PTPRD: variants seen among roughly 807,000 people sequenced by gnomAD.
PTPRD encodes receptor-type tyrosine-protein phosphatase delta.
Under a neutral mutation model 214.5 loss-of-function variants are expected in PTPRD, and 34 were observed. The ratio of observed to expected loss-of-function variants is 0.16; its 90% confidence interval spans 0.12 to 0.21. The LOEUF is 0.21. PTPRD is among the 10% of genes least tolerant of loss of function. PTPRD has a pLI of 1.00. For missense variants in PTPRD, 2,545 were observed against 2,398.7 expected (o/e 1.06, Z -1.27); for synonymous variants, 1,128 against 845.7 (o/e 1.33, Z -5.79).
intron 3 of PTPRD, among the ~76,000 whole-genome samples, chr9:10,253,330 A>G (rs1435775534): frequency 6.6e-6 from 1 of 152,164 alleles, no homozygotes; most frequent in East Asian, 1.9e-4. Flanking sequence ...AGTAATTGCC[A>G]TAGTACCAGC....
intron 2 of PTPRD, among the ~76,000 whole-genome samples, chr9:10,371,160 T>A (rs2097606689): frequency 6.6e-6 from 1 of 151,932 alleles, no homozygotes; most frequent in Non-Finnish European, 1.5e-5. Context: ...AGGCTTATGC[T>A]CTTATTGTAA....
intron 14 of PTPRD, among the ~76,000 whole-genome samples, chr9:8,575,396 C>A (rs936148802): frequency 3.3e-5 from 5 of 152,142 alleles, no homozygotes; most frequent in African/African-American, 1.2e-4. Context: ...AAGAGTATAT[C>A]AAATGCATTA....
chr9:9,023,511 T>TAGGA (rs2099576457), intron 10 of PTPRD, among the ~76,000 whole-genome samples: 1 of 152,092 alleles, frequency 6.6e-6, no homozygotes, highest in Admixed American at 6.6e-5. Context: ...CATTCTTCTA[T>TAGGA]TTACACTTAG....
intron 12 of PTPRD, among the ~76,000 whole-genome samples, chr9:8,692,706 A>G (rs772302729): frequency 2.0e-5 from 3 of 152,222 alleles, no homozygotes; most frequent in Non-Finnish European, 4.4e-5. Flanking sequence ...GTGTAATGAT[A>G]TGGCACACTG....
intron 8 of PTPRD, among the ~76,000 whole-genome samples, chr9:9,517,454 A>C (rs118024291): frequency 0.013 from 1,983 of 152,194 alleles, 20 homozygotes; most frequent in Non-Finnish European, 0.018. Context: ...AGCTAGAGTT[A>C]ATTAAAGATG....
chr9:10,372,726 T>A (rs920491958), intron 2 of PTPRD, among the ~76,000 whole-genome samples: 3 of 152,000 alleles, frequency 2.0e-5, no homozygotes, highest in Non-Finnish European at 1.5e-5. Context: ...GAGTTTGCAA[T>A]TAACTAGCGT....
At chr9:8,681,682 CA>C (rs1291374657) in intron 12 of PTPRD, among the ~76,000 whole-genome samples, 2 of 152,186 alleles carry the variant, frequency 1.3e-5, no homozygotes, top group Non-Finnish European at 2.9e-5. Context: ...GTCATATAGA[CA>C]AGTTGCTTTT....
intron 11 of PTPRD, among the ~76,000 whole-genome samples, chr9:8,849,301 G>T (rs774565105): frequency 6.7e-6 from 1 of 150,178 alleles, no homozygotes; most frequent in Non-Finnish European, 1.5e-5. Context: ...TCAGTCTCCC[G>T]AGTAGCTGGG....
intron 2 of PTPRD, among the ~76,000 whole-genome samples, chr9:10,487,533 T>C (rs1237658538): frequency 6.6e-6 from 1 of 152,210 alleles, no homozygotes; most frequent in African/African-American, 2.4e-5. Context: ...TAACCCATTA[T>C]TTTAAGCTGA....
chr9:10,288,365 T>G (rs748410190), intron 3 of PTPRD, among the ~76,000 whole-genome samples: 1 of 152,140 alleles, frequency 6.6e-6, no homozygotes. Flanking sequence ...GGATCATTAA[T>G]TTAAAAACAA....
intron 10 of PTPRD, among the ~76,000 whole-genome samples, chr9:9,116,267 C>A (rs1670542001): frequency 6.6e-6 from 1 of 152,014 alleles, no homozygotes; most frequent in South Asian, 2.1e-4. Flanking sequence ...TATATACTTA[C>A]TATGGAATAC....
At chr9:9,393,451 A>G (rs1026838669) in intron 9 of PTPRD, among the ~76,000 whole-genome samples, 1 of 152,124 alleles carries the variant, frequency 6.6e-6, no homozygotes, top group Non-Finnish European at 1.5e-5. Context: ...CTCACCATAT[A>G]GAAAGAGGGG....
At chr9:8,730,625 A>AG (rs2098646957) in intron 12 of PTPRD, among the ~76,000 whole-genome samples, 1 of 152,246 alleles carries the variant, frequency 6.6e-6, no homozygotes, top group African/African-American at 2.4e-5. Flanking sequence ...TCTTTTTTAA[A>AG]GACTGGTAAA....
intron 5 of PTPRD, among the ~76,000 whole-genome samples, chr9:9,837,254 T>C (rs994734343): frequency 5.9e-5 from 9 of 152,126 alleles, no homozygotes; most frequent in African/African-American, 1.9e-4. Flanking sequence ...AGGAATACCG[T>C]AGCTGACACT....
rs570848666 is a variant in PTPRD at position 9,670,425 on chromosome 9, C to T, written c.-287+64108G>A. 2.5e-3 allele frequency among the ~76,000 whole-genome samples: 378 copies of T among 152,234 alleles called. 2 individuals carry two copies. The highest frequency in any genetic ancestry group is 8.5e-3 in the African/African-American group (354 of 41,548). ...TGGCAAAGTGATAGAAAAGAAACAC[C>T]CATTTTCTGAGGAGAAATTCAAGCT... On this transcript the variant is annotated intron_variant, in intron 7 of 45. Coordinates refer to ENST00000381196, the MANE Select transcript of PTPRD (RefSeq NM_002839.4).
chr9:8,567,301 T>C (rs866891763), intron 14 of PTPRD, among the ~76,000 whole-genome samples: 13 of 152,328 alleles, frequency 8.5e-5, no homozygotes, highest in African/African-American at 2.9e-4. Flanking sequence ...TGTAATCCTG[T>C]TCCCTCCTCT....
rs1421807348 is a variant in PTPRD at position 10,536,796 on chromosome 9, C to T, written c.-600+75602G>A. On this transcript the variant is annotated intron_variant, in intron 2 of 45. Coordinates refer to ENST00000381196, the MANE Select transcript of PTPRD (RefSeq NM_002839.4). The stretch of plus-strand genomic sequence containing the variant: ...AAGTGAGGTTAATACCTCAGAACTC[C>T]TCTTCTTCTACCTGAGGTTTGAATG... 2.6e-5 allele frequency among the ~76,000 whole-genome samples: 4 copies of T among 152,226 alleles called. No individual in the cohort carries two copies. The South Asian group carries it at 8.3e-4, about 32-fold the overall frequency.
chr9:10,106,326 C>T (rs2098632359), intron 3 of PTPRD, among the ~76,000 whole-genome samples: 1 of 151,760 alleles, frequency 6.6e-6, no homozygotes, highest in Non-Finnish European at 1.5e-5. Context: ...TTACATTTGG[C>T]CTGCAGAAAG....
intron 5 of PTPRD, among the ~76,000 whole-genome samples, chr9:9,808,740 C>A (rs1369080692): frequency 6.6e-6 from 1 of 152,076 alleles, no homozygotes; most frequent in African/African-American, 2.4e-5. Flanking sequence ...ACCCAACTTT[C>A]ATCTCCCTTA....
Sources: gnomAD v4.1 joint callset for allele counts (sites outside exome capture counted in the v4.1 genomes callset) on GRCh38, gnomAD v4.1.1 for gene constraint, MANE v1.5 for transcripts, NCBI Gene and HGNC (gene_info 2026-07-23, HGNC 2026-07-21) for gene names.